The following CEP290 variants were observed in gnomAD, a reference collection of about 807,000 sequenced individuals.
CEP290 encodes centrosomal protein 290.
Under a neutral mutation model 344.9 loss-of-function variants are expected in CEP290, and 317 were observed. The ratio of observed to expected loss-of-function variants is 0.92; its 90% CI spans 0.84 to 1.01. The LOEUF (loss-of-function observed/expected upper bound fraction) is 1.01. Among genes scored for constraint, CEP290 ranks in the 50% least tolerant of loss-of-function variants. The pLI, the probability that CEP290 is intolerant of heterozygous loss-of-function variation, is 0.00. For missense variants in CEP290, 2,754 were observed against 2,761.4 expected, an observed-to-expected ratio of 1.00 and a Z score of 0.06; for synonymous variants, 932 against 895.8, an observed-to-expected ratio of 1.04 and a Z score of -0.72.
At chr12:88,072,449 C>T (rs944205741) in intron 41 of CEP290, among the ~76,000 whole-genome samples, 14 of 151,992 alleles carry the variant, frequency 9.2e-5, no homozygotes, top group Admixed American at 1.3e-4. Context: ...TTGGGCATGC[C>T]GAGCTATTAG....
chr12:88,113,641 A>G (rs972671086), intron 20 of CEP290, among the ~76,000 whole-genome samples: 1 of 152,090 alleles, frequency 6.6e-6, no homozygotes, highest in Admixed American at 6.5e-5. Flanking sequence ...GATAACATAA[A>G]TGACATATAC....
intron 17 of CEP290, among the ~76,000 whole-genome samples, chr12:88,117,528 A>C (rs1004412385): frequency 2.6e-5 from 4 of 152,216 alleles, no homozygotes; most frequent in Non-Finnish European, 5.9e-5. Flanking sequence ...TATAGAAATC[A>C]TAATGCTAAA....
intron 10 of CEP290, 115 bp from the exon 11 acceptor site, chr12:88,129,150 G>A (rs941616120): frequency 1.5e-5 from 5 of 343,922 alleles, no homozygotes; most frequent in African/African-American, 5.3e-5. Context: ...ACACACATAC[G>A]TATTCATACT....
chr12:88,069,319 G>T (rs1311867746), intron 43 of CEP290, among the ~76,000 whole-genome samples: 1 of 151,892 alleles, frequency 6.6e-6, no homozygotes, highest in Non-Finnish European at 1.5e-5. Context: ...AGTTCAGAGA[G>T]AAGACAAATT....
chr12:88,107,136 C>T, intron 23 of CEP290, 38 bp from the exon 24 acceptor site: 1 of 1,231,648 alleles, frequency 8.1e-7, no homozygotes, highest in Non-Finnish European at 1.1e-6. Flanking sequence ...ATACTGTAAA[C>T]CTAATAAAAT....
At chr12:88,103,935 T>G (rs950018077) in intron 25 of CEP290, 1 of 152,116 alleles carries the variant, frequency 6.6e-6, no homozygotes, top group African/African-American at 2.4e-5. Context: ...TTCCCATCTC[T>G]TAAGAATCTC....
chr12:88,049,656 T>C, intron 53 of CEP290: 1 of 341,810 alleles, frequency 2.9e-6, no homozygotes, highest in Non-Finnish European at 5.3e-6. Context: ...CTAAAATTTA[T>C]CATCTCTTAT....
chr12:88,126,493 C>A (rs544516911), intron 11 of CEP290, 55 bp from the exon 12 acceptor site: 2 of 1,214,224 alleles, frequency 1.6e-6, no homozygotes, highest in Non-Finnish European at 2.2e-6. Context: ...ATAAAACATT[C>A]TTCATTATCA....
Position 88,102,827 on chromosome 12 carries a change from C to A in CEP290, c.2991+11G>T. 6.2e-7 allele frequency: 1 copy of A among 1,606,080 alleles called. No individual in the cohort carries two copies. On this transcript the variant is annotated intron_variant, in intron 26 of 53. Transcript: ENST00000552810. ...CTAATTTCACAAGGTTCAAGAATCA[C>A]ACAAACTTACCTCCAGGTGTTCCAA...
intron 38 of CEP290, 50 bp downstream of exon 38, chr12:88,080,132 A>G: frequency 1.7e-6 from 2 of 1,199,786 alleles, no homozygotes; most frequent in Non-Finnish European, 1.2e-6. Flanking sequence ...TCTAAAAGCA[A>G]TCTACCACAT....
intron 31 of CEP290, among the ~76,000 whole-genome samples, chr12:88,088,335 C>T (rs1241645545): frequency 6.6e-6 from 1 of 152,094 alleles, no homozygotes; most frequent in Admixed American, 6.5e-5. Context: ...TTAATTCTTT[C>T]TAAATGAAGA....
chr12:88,120,147 G>A lies in CEP290; in HGVS notation c.1489C>T (p.Leu497Phe). 1 of 1,543,148 alleles carries A rather than the reference G, an allele frequency of 6.5e-7. No individual in the cohort carries two copies. The highest frequency in any genetic ancestry group is 2.4e-5 in the East Asian group (1 of 41,474). The change falls in exon 15 of 54, where the codon CTT (leucine) becomes TTT (phenylalanine). Residue 497 changes from leucine (L) to phenylalanine (F), a missense_variant. By Grantham distance (22) the Leu-to-Phe change is conservative. Transcript: ENST00000552810. Reference protein sequence around the residue: ...NKLELKISDFLDENEALRERV... With the variant: ...NKLELKISDFFDENEALRERV... Reference sequence around the variant, plus strand: ...TCTCTAAGTGCCTCATTTTCATCAAGGAAATCACTGATCTTCAATTCAAGT... The same window carrying A: ...TCTCTAAGTGCCTCATTTTCATCAAAGAAATCACTGATCTTCAATTCAAGT...
rs990285677 is a variant in CEP290 at position 88,116,124 on chromosome 12, T to C, written c.1824+909A>G. On this transcript the variant is annotated intron_variant, in intron 18 of 53. Coordinates refer to ENST00000552810, the MANE Select transcript of CEP290 (RefSeq NM_025114.4). ...TGTTGATAAGCCATGAAAAGATGAA[T>C]TGCTTTTTTGTACAAAACTAGTCTT... 13 of 932,668 alleles carry C rather than the reference T, an allele frequency of 1.4e-5. No homozygotes were observed. In the Admixed American group the frequency reaches 7.4e-4, roughly 53 times the overall value. 57.8% of individuals were successfully genotyped at this position (932,668 alleles called of 1,614,324 possible).
chr12:88,105,792 G>A (rs2038229986), intron 25 of CEP290, among the ~76,000 whole-genome samples: 1 of 151,894 alleles, frequency 6.6e-6, no homozygotes, highest in African/African-American at 2.4e-5. Context: ...ATAGGCTGGA[G>A]ATCAGTGGCA....
chr12:88,123,322 T>C (rs2039528046), intron 13 of CEP290, among the ~76,000 whole-genome samples: 1 of 152,154 alleles, frequency 6.6e-6, no homozygotes, highest in African/African-American at 2.4e-5. Flanking sequence ...CCTTGTTTTC[T>C]CCTTCTCTTT....
At chr12:88,057,863 C>G (rs930382420) in intron 49 of CEP290, 1 of 152,370 alleles carries the variant, frequency 6.6e-6, no homozygotes, top group Non-Finnish European at 1.5e-5. Context: ...TGCCTCCCAT[C>G]AAGACCATTC....
intron 50 of CEP290, 37 bp downstream of exon 50, chr12:88,055,539 A>G (rs753532781): frequency 2.6e-6 from 4 of 1,515,754 alleles, no homozygotes; most frequent in South Asian, 1.3e-5. Context: ...GATATTATGC[A>G]TTATTTTATC....
rs183071230 is a variant in CEP290, at chr12:88,071,307, T to C, written c.5998A>G (p.Ile2000Val). The C allele has an allele frequency of 1.2e-4, 194 of 1,604,948 alleles. No homozygotes were observed. The Middle Eastern group carries it at 2.0e-3, about 16-fold the overall frequency. ...ATAATAGCTTACCTCATATACAATA[T>C]ATCATTTTCTAAGTCAAGATTTCTC... ...KKRNLDLEND[I>V]LYMRAHQALP... The change falls in exon 43 of 54, where the codon ATA (isoleucine) becomes GTA (valine). Residue 2000 changes from isoleucine to valine, a missense_variant. Physicochemically the swap from Ile to Val is conservative, Grantham distance 29. Transcript: ENST00000552810.
chr12:88,083,736 A>ATGT (rs1345430933), intron 36 of CEP290, 111 bp downstream of exon 36: 1 of 701,874 alleles, frequency 1.4e-6, no homozygotes, highest in East Asian at 2.8e-5. Flanking sequence ...TCAGAAGATT[A>ATGT]TTTTGGCAAC....
Sources: allele counts gnomAD v4.1 joint callset (sites outside exome capture counted in the v4.1 genomes callset), GRCh38; gene constraint gnomAD v4.1.1; transcripts MANE v1.5; gene names NCBI Gene and HGNC (gene_info 2026-07-23, HGNC 2026-07-21).